Variants in ZNF385B observed in about 807,000 individuals in gnomAD.
ZNF385B encodes the protein zinc finger protein 385B.
ZNF385B carries 23 observed loss-of-function variants against 39.2 expected under a neutral mutation model. The ratio of observed to expected loss-of-function variants is 0.59; its 90% confidence interval spans 0.42 to 0.83. The LOEUF is 0.83. Among genes scored for constraint, ZNF385B ranks in the 40% least tolerant of loss-of-function variants. ZNF385B has a pLI of 0.00. For missense variants in ZNF385B, 552 were observed against 598.9 expected (o/e 0.92, Z 0.82); for synonymous variants, 205 against 222.6 (o/e 0.92, Z 0.70).
At chr2:179,655,035 A>G (rs1314552129) in intron 3 of ZNF385B, among the ~76,000 whole-genome samples, 1 of 152,138 alleles carries the variant, frequency 6.6e-6, no homozygotes, top group Non-Finnish European at 1.5e-5. Context: ...ATGTTTGTCT[A>G]CCCTGGAAAA....
intron 1 of ZNF385B, among the ~76,000 whole-genome samples, chr2:179,772,517 G>C (rs1297855308): frequency 1.3e-5 from 2 of 152,166 alleles, no homozygotes; most frequent in African/African-American, 2.4e-5. Flanking sequence ...TGCAACCAAA[G>C]TATATTTAGC....
chr2:179,674,003 C>G (rs1696405794), intron 3 of ZNF385B, among the ~76,000 whole-genome samples: 1 of 152,080 alleles, frequency 6.6e-6, no homozygotes, highest in South Asian at 2.1e-4. Context: ...ATCTTAGAAG[C>G]ACAGTTACTA....
At chr2:179,469,003 A>G (rs1011839148) in intron 6 of ZNF385B, among the ~76,000 whole-genome samples, 4 of 152,228 alleles carry the variant, frequency 2.6e-5, no homozygotes, top group African/African-American at 9.6e-5. Flanking sequence ...TTTAAATTCA[A>G]TCTGCAGCCT....
At chr2:179,506,731 G>A (rs2057284722) in intron 5 of ZNF385B, among the ~76,000 whole-genome samples, 1 of 151,940 alleles carries the variant, frequency 6.6e-6, no homozygotes, top group Non-Finnish European at 1.5e-5. Context: ...AAGTTTATGA[G>A]TTTTTTTGTG....
intron 3 of ZNF385B, among the ~76,000 whole-genome samples, chr2:179,717,735 TAAAC>T (rs1395329243): frequency 6.6e-6 from 1 of 152,220 alleles, no homozygotes; most frequent in African/African-American, 2.4e-5. Context: ...CTCAAACAAA[TAAAC>T]AAACAAAAAC....
At chr2:179,482,433 C>T (rs138278796) in intron 6 of ZNF385B, among the ~76,000 whole-genome samples, 27 of 152,316 alleles carry the variant, frequency 1.8e-4, no homozygotes, top group African/African-American at 5.8e-4. Flanking sequence ...ATGACATATC[C>T]GTCATGGGCC....
At chr2:179,806,541 C>A (rs951031269) in intron 1 of ZNF385B, among the ~76,000 whole-genome samples, 2 of 152,298 alleles carry the variant, frequency 1.3e-5, no homozygotes, top group East Asian at 3.9e-4. Flanking sequence ...AATAACGTAA[C>A]CTGATATTTT....
chr2:179,629,655 T>A (rs978579529), intron 3 of ZNF385B, among the ~76,000 whole-genome samples: 1 of 152,148 alleles, frequency 6.6e-6, no homozygotes, highest in Non-Finnish European at 1.5e-5. Flanking sequence ...GTTCATCTCA[T>A]TGGGACTGGT....
At chr2:179,604,370 GA>G (rs1381152532) in intron 3 of ZNF385B, among the ~76,000 whole-genome samples, 1 of 151,104 alleles carries the variant, frequency 6.6e-6, no homozygotes, top group African/African-American at 2.4e-5. Context: ...TGATGGCTAG[GA>G]AAAAGGAGCA....
At chr2:179,728,637 C>T (rs1365060345) in intron 3 of ZNF385B, among the ~76,000 whole-genome samples, 2 of 152,126 alleles carry the variant, frequency 1.3e-5, no homozygotes, top group Non-Finnish European at 2.9e-5. Context: ...TTTAAATTTA[C>T]TATTAGCTGG....
In ZNF385B at chr2:179,714,942, C is replaced by CAAAAAAAAAAAAAAAAAAA. The variant is rs34449760; in HGVS notation, c.298+54542_298+54560dup. 3.0e-4 allele frequency among the ~76,000 whole-genome samples: 24 copies of CAAAAAAAAAAAAAAAAAAA among 79,250 alleles called. 1 individual carries two copies. The highest frequency in any genetic ancestry group is 4.5e-4 in the African/African-American group (9 of 19,804). The allele number at this position is 79,250 out of a possible 152,430, so 52.0% of individuals were successfully genotyped here. On this transcript the variant is annotated intron_variant, in intron 3 of 9. Coordinates refer to ENST00000410066, the MANE Select transcript of ZNF385B (RefSeq NM_152520.6). ...TGGGTAACAAAGCGAGATTCTATCT[C>CAAAAAAAAAAAAAAAAAAA]AAAAAAAAAAAAAAAAAAACAGTTT...
chr2:179,830,352 G>A (rs1366267344), intron 1 of ZNF385B, among the ~76,000 whole-genome samples: 1 of 152,156 alleles, frequency 6.6e-6, no homozygotes, highest in Admixed American at 6.5e-5. Context: ...CTTACCATGG[G>A]ATCCATCAAT....
At chr2:179,660,325 C>T (rs1694322954) in intron 3 of ZNF385B, 1 of 152,110 alleles carries the variant, frequency 6.6e-6, no homozygotes, top group African/African-American at 2.4e-5. Flanking sequence ...CCTCCTCAGT[C>T]TACAGAGCCA....
At chr2:179,832,639 C>G (rs535277231) in intron 1 of ZNF385B, among the ~76,000 whole-genome samples, 2 of 152,316 alleles carry the variant, frequency 1.3e-5, no homozygotes, top group South Asian at 4.1e-4. Flanking sequence ...TCTAGCCACC[C>G]TGTGAGATTC....
intron 3 of ZNF385B, among the ~76,000 whole-genome samples, chr2:179,616,175 T>G (rs1055187658): frequency 6.6e-6 from 1 of 152,146 alleles, no homozygotes; most frequent in Non-Finnish European, 1.5e-5. Context: ...GCAGAGATAG[T>G]AATAATAGTG....
chr2:179,725,432 T>C (rs1419870819), intron 3 of ZNF385B, among the ~76,000 whole-genome samples: 1 of 151,926 alleles, frequency 6.6e-6, no homozygotes, highest in Non-Finnish European at 1.5e-5. Flanking sequence ...CATACGTGCA[T>C]GTATATATAT....
chr2:179,710,024 A>G (rs1014791132), intron 3 of ZNF385B, among the ~76,000 whole-genome samples: 2 of 152,186 alleles, frequency 1.3e-5, no homozygotes, highest in African/African-American at 2.4e-5. Flanking sequence ...GGCCCTGGAT[A>G]TTCACTGACA....
At chr2:179,650,070 G>A (rs751073094) in intron 3 of ZNF385B, among the ~76,000 whole-genome samples, 10 of 152,106 alleles carry the variant, frequency 6.6e-5, no homozygotes, top group Non-Finnish European at 1.0e-4. Context: ...AATGACATAT[G>A]GTTAAATAAA....
At chr2:179,745,863 A>G in intron 3 of ZNF385B, 1 of 1,330,178 alleles carries the variant, frequency 7.5e-7, no homozygotes, top group South Asian at 2.3e-5. Flanking sequence ...GTGTGACAGC[A>G]CCACGTTATA....
Sources: gnomAD v4.1 joint callset for allele counts (sites outside exome capture counted in the v4.1 genomes callset) on GRCh38, gnomAD v4.1.1 for gene constraint, MANE v1.5 for transcripts, NCBI Gene and HGNC (gene_info 2026-07-23, HGNC 2026-07-21) for gene names.